The following KIAA1328 variants were observed in gnomAD, a reference collection of about 807,000 sequenced individuals.
KIAA1328 encodes the protein KIAA1328, also known as protein hinderin.
A neutral mutation model predicts 68.1 loss-of-function variants in KIAA1328; 52 were observed. The observed-to-expected ratio is 0.76, with a 90% CI of 0.61 to 0.96. KIAA1328 has a LOEUF of 0.96. Ranked by LOEUF, KIAA1328 falls within the 40% of genes least tolerant of loss-of-function variation. The pLI, the probability that KIAA1328 is intolerant of heterozygous loss-of-function variation, is 0.00. For missense variants in KIAA1328, 641 were observed against 677.6 expected (o/e 0.95, Z 0.60); for synonymous variants, 232 against 239.4 (o/e 0.97, Z 0.28).
chr18:37,127,228 T>C (rs1337619642), intron 7 of KIAA1328, among the ~76,000 whole-genome samples: 3 of 152,190 alleles, frequency 2.0e-5, no homozygotes, highest in African/African-American at 7.2e-5. Flanking sequence ...CTAAACAAAC[T>C]TGAATACAAG....
chr18:37,208,642 C>T (rs771644746), intron 9 of KIAA1328, among the ~76,000 whole-genome samples: 3 of 152,120 alleles, frequency 2.0e-5, no homozygotes, highest in Non-Finnish European at 4.4e-5. Context: ...TGATTCCAGT[C>T]CTACCTCTTG....
chr18:36,861,212 T>A (rs983226623), intron 4 of KIAA1328, among the ~76,000 whole-genome samples: 3 of 152,128 alleles, frequency 2.0e-5, no homozygotes, highest in Non-Finnish European at 4.4e-5. Flanking sequence ...AGTCAGATAT[T>A]TTGTAGTATT....
intron 7 of KIAA1328, among the ~76,000 whole-genome samples, chr18:37,113,671 A>G (rs560229168): frequency 1.3e-5 from 2 of 152,338 alleles, no homozygotes; most frequent in Admixed American, 6.5e-5. Flanking sequence ...TTAACCTTAA[A>G]TGTAAATGGG....
chr18:37,198,806 T>A (rs2060052027), intron 9 of KIAA1328, among the ~76,000 whole-genome samples: 1 of 152,196 alleles, frequency 6.6e-6, no homozygotes, highest in South Asian at 2.1e-4. Context: ...AGCAAGGCCA[T>A]CTGTTTAGGG....
chr18:36,905,556 C>T (rs995944123), intron 5 of KIAA1328, among the ~76,000 whole-genome samples: 2 of 152,064 alleles, frequency 1.3e-5, no homozygotes, highest in Non-Finnish European at 2.9e-5. Flanking sequence ...TTTGAATTTA[C>T]AAAAACGTCT....
chr18:37,118,072 G>T (rs1034521210), intron 7 of KIAA1328, among the ~76,000 whole-genome samples: 12 of 147,846 alleles, frequency 8.1e-5, no homozygotes, highest in African/African-American at 2.0e-4. Context: ...ACCGCTTACT[G>T]CAGCCTTCAC....
At chr18:36,915,379 G>A (rs1294177629) in intron 5 of KIAA1328, among the ~76,000 whole-genome samples, 1 of 62,188 alleles carries the variant, frequency 1.6e-5, no homozygotes, top group African/African-American at 3.8e-5. Context: ...CTGTTAAAGA[G>A]AATGGGGAAA....
intron 5 of KIAA1328, 109 bp downstream of exon 5, chr18:36,885,781 G>T (rs950560262): frequency 1.1e-5 from 7 of 647,504 alleles, no homozygotes; most frequent in African/African-American, 5.8e-5. Context: ...GCAATGGTGC[G>T]ATTTCAGTTC....
intron 6 of KIAA1328, among the ~76,000 whole-genome samples, chr18:37,056,524 G>A (rs1425265025): frequency 6.6e-6 from 1 of 151,824 alleles, no homozygotes; most frequent in Non-Finnish European, 1.5e-5. Flanking sequence ...GTAAACCAAA[G>A]ATACCTTCAT....
chr18:36,843,291 C>T (rs2046919345), intron 3 of KIAA1328, among the ~76,000 whole-genome samples: 1 of 152,036 alleles, frequency 6.6e-6, no homozygotes, highest in African/African-American at 2.4e-5. Flanking sequence ...TTTCCCTACT[C>T]TCTTTCCCAC....
chr18:36,939,204 TATTA>T (rs1272609700), intron 5 of KIAA1328, among the ~76,000 whole-genome samples: 2 of 152,202 alleles, frequency 1.3e-5, no homozygotes, highest in African/African-American at 4.8e-5. Flanking sequence ...ATTTTAACAA[TATTA>T]ATTCTAATCC....
chr18:37,225,197 AAG>A lies in KIAA1328; in HGVS notation c.*2976_*2977del. 1.0e-6 allele frequency: 1 copy of A among 985,550 alleles called. No homozygotes were observed. The highest frequency in any genetic ancestry group is 1.2e-6 in the Non-Finnish European group (1 of 829,972). The allele number at this position is 985,550 out of a possible 1,614,324, so 61.1% of individuals were successfully genotyped here. ...GGGGCAGAGCTGGACGAAGTCTGCTAAGAGAGATGGAGGCTGTGGCGGACTCC... is the reference window on the plus strand; with the variant it reads ...GGGGCAGAGCTGGACGAAGTCTGCTAAGAGATGGAGGCTGTGGCGGACTCC... On this transcript the variant is annotated 3_prime_UTR_variant, in exon 10 of 10. Transcript: ENST00000280020.
At chr18:37,113,849 T>G (rs966992878) in intron 7 of KIAA1328, among the ~76,000 whole-genome samples, 5 of 151,866 alleles carry the variant, frequency 3.3e-5, no homozygotes, top group African/African-American at 4.8e-5. Flanking sequence ...AAAAAGCAGG[T>G]GTTGCAATCC....
chr18:37,095,607 C>G (rs909301466), intron 7 of KIAA1328, among the ~76,000 whole-genome samples: 61 of 152,150 alleles, frequency 4.0e-4, no homozygotes, highest in African/African-American at 1.4e-3. Context: ...AAAGCAAGAA[C>G]TAACCAAACT....
At chr18:37,198,833 G>A (rs1218218494) in intron 9 of KIAA1328, among the ~76,000 whole-genome samples, 3 of 152,172 alleles carry the variant, frequency 2.0e-5, no homozygotes, top group Non-Finnish European at 4.4e-5. Context: ...GTGAAATGGG[G>A]AAATGAGGAG....
chr18:37,223,738 C>T lies in KIAA1328; in HGVS notation c.*1511C>T. ...TTCAATCTAGAAAAGCCTTGTTGAG[C>T]AGCCTCCTTATCCAGATAGATCCAA... is the stretch of plus-strand genomic sequence containing the variant. On this transcript the variant is annotated 3_prime_UTR_variant, in exon 10 of 10. Transcript: ENST00000280020. The T allele has an allele frequency of 1.0e-6, 1 of 985,406 alleles. No homozygotes were observed. The highest frequency in any genetic ancestry group is 1.2e-6 in the Non-Finnish European group (1 of 829,924). 61.0% of individuals were successfully genotyped at this position (985,406 alleles called of 1,614,324 possible).
At chr18:36,895,262 CT>C (rs2048831912) in intron 5 of KIAA1328, among the ~76,000 whole-genome samples, 1 of 152,128 alleles carries the variant, frequency 6.6e-6, no homozygotes, top group Non-Finnish European at 1.5e-5. Flanking sequence ...CTACTTTATA[CT>C]TTTGTGACTT....
At chr18:37,221,986 T>A in intron 9 of KIAA1328, 31 bp from the exon 10 acceptor site, 1 of 1,598,910 alleles carries the variant, frequency 6.3e-7, no homozygotes, top group South Asian at 1.1e-5. Context: ...AATAATCTGA[T>A]CCTTTCCTGT....
At position 37,173,038 on chromosome 18, in the gene KIAA1328, T is replaced by G. The variant is rs557323736; in HGVS notation, c.1480T>G (p.Phe494Val). Residue 494 changes from phenylalanine (F) to valine (V), a missense_variant, in exon 9 of 10, where the codon TTT becomes GTT. Phe to Val is a conservative substitution (Grantham distance 50). Coordinates refer to ENST00000280020, the MANE Select transcript of KIAA1328 (RefSeq NM_020776.3). ...SPMPTGSLKD[F>V]VTTASPSLQH... ...TATGCCAACAGGAAGCCTAAAGGATTTTGTCACCACAGCCTCACCATCATT... is the reference window on the plus strand; with the variant it reads ...TATGCCAACAGGAAGCCTAAAGGATGTTGTCACCACAGCCTCACCATCATT... The G allele has an allele frequency of 4.3e-6, 7 of 1,613,596 alleles. No individual in the cohort carries two copies. In the African/African-American group the frequency reaches 8.0e-5, roughly 18 times the overall value.
Sources: allele counts gnomAD v4.1 joint callset (sites outside exome capture counted in the v4.1 genomes callset), GRCh38; gene constraint gnomAD v4.1.1; transcripts MANE v1.5; gene names NCBI Gene and HGNC (gene_info 2026-07-23, HGNC 2026-07-21).